Variants in SELENOF observed in about 807,000 individuals in gnomAD.
SELENOF encodes the protein selenoprotein F, also known as 15 kDa selenoprotein.
SELENOF carries 16 observed loss-of-function variants against 20.5 expected under a neutral mutation model. The ratio of observed to expected loss-of-function variants is 0.78; its 90% confidence interval spans 0.53 to 1.19. SELENOF has a LOEUF of 1.19. SELENOF is among the 50% of genes most tolerant of loss of function. SELENOF has a pLI of 0.00. For missense variants in SELENOF, 215 were observed against 194.2 expected, an observed-to-expected ratio of 1.11 and a Z score of -0.64; for synonymous variants, 78 against 74.5, an observed-to-expected ratio of 1.05 and a Z score of -0.24.
chr1:86,883,477 C>CTAAA (rs1262938963), intron 2 of SELENOF, among the ~76,000 whole-genome samples: 2 of 151,284 alleles, frequency 1.3e-5, no homozygotes, highest in Non-Finnish European at 2.9e-5. Context: ...TGTATGTACA[C>CTAAA]TAGTGTATAG....
At chr1:86,906,773 C>G (rs111775222) in intron 1 of SELENOF, among the ~76,000 whole-genome samples, 13 of 152,290 alleles carry the variant, frequency 8.5e-5, no homozygotes, top group African/African-American at 2.9e-4. Context: ...ATAGAACAGA[C>G]AAGCCATCCC....
chr1:86,887,084 T>C (rs1393206694), intron 2 of SELENOF: 1 of 1,435,208 alleles, frequency 7.0e-7, no homozygotes. Context: ...AGTGATCTAC[T>C]GGTGTTTTAA....
chr1:86,889,953 C>G (rs1297656462), intron 2 of SELENOF, among the ~76,000 whole-genome samples: 1 of 152,158 alleles, frequency 6.6e-6, no homozygotes, highest in African/African-American at 2.4e-5. Context: ...CATAAGTATT[C>G]CCCTCCGCCT....
rs150670612 is a variant in SELENOF, at chr1:86,898,546, A to C, written c.252+4735T>G. On this transcript the variant is annotated intron_variant, in intron 2 of 4. Transcript: ENST00000331835. ...TTTTTTTATTATGTACAAATAGCTA[A>C]AGCATTCTATATAAACTCTGACTTT... is the stretch of plus-strand genomic sequence containing the variant. Among the ~76,000 whole-genome samples the C allele has an allele frequency of 2.0e-3, 300 of 151,944 alleles. 2 individuals carry two copies. The highest frequency in any genetic ancestry group is 2.8e-3 in the Non-Finnish European group (189 of 67,950).
chr1:86,869,684 T>C (rs1308121554), intron 3 of SELENOF, among the ~76,000 whole-genome samples: 1 of 152,160 alleles, frequency 6.6e-6, no homozygotes, highest in Non-Finnish European at 1.5e-5. Context: ...AATTAAAAGG[T>C]GTGTAATACA....
intron 3 of SELENOF, among the ~76,000 whole-genome samples, chr1:86,871,795 T>C (rs373511679): frequency 6.8e-6 from 1 of 146,518 alleles, no homozygotes; most frequent in East Asian, 1.9e-4. Flanking sequence ...AAAAGATTGG[T>C]ATTTGAATAC....
chr1:86,892,659 A>G (rs1659419342), intron 2 of SELENOF, among the ~76,000 whole-genome samples: 1 of 152,226 alleles, frequency 6.6e-6, no homozygotes, highest in Non-Finnish European at 1.5e-5. Context: ...GCAAATTGAA[A>G]ACAACTAAAT....
chr1:86,900,095 C>A (rs1306130013), intron 2 of SELENOF, among the ~76,000 whole-genome samples: 1 of 151,366 alleles, frequency 6.6e-6, no homozygotes, highest in Non-Finnish European at 1.5e-5. Context: ...ACGCTCCTCA[C>A]TTTCCAGACT....
intron 3 of SELENOF, among the ~76,000 whole-genome samples, chr1:86,870,252 A>C (rs555111777): frequency 3.9e-5 from 6 of 152,230 alleles, no homozygotes; most frequent in Non-Finnish European, 8.8e-5. Flanking sequence ...ACGTCTTCAC[A>C]CATTTGACTC....
chr1:86,885,842 C>G (rs1250865790), intron 2 of SELENOF, among the ~76,000 whole-genome samples: 1 of 152,142 alleles, frequency 6.6e-6, no homozygotes, highest in Non-Finnish European at 1.5e-5. Flanking sequence ...ACTGTCTCAA[C>G]AAAAGGGTTA....
chr1:86,896,477 G>A (rs1166967543), intron 2 of SELENOF, among the ~76,000 whole-genome samples: 1 of 152,100 alleles, frequency 6.6e-6, no homozygotes, highest in African/African-American at 2.4e-5. Context: ...TAATCTTACA[G>A]ATCTTAGAAA....
chr1:86,906,665 T>G (rs1460673247), intron 1 of SELENOF, among the ~76,000 whole-genome samples: 1 of 152,178 alleles, frequency 6.6e-6, no homozygotes, highest in Non-Finnish European at 1.5e-5. Flanking sequence ...AGAGAGCAAC[T>G]GAAAACTCCA....
chr1:86,879,598 G>A (rs1024507100), intron 3 of SELENOF, among the ~76,000 whole-genome samples: 1 of 152,134 alleles, frequency 6.6e-6, no homozygotes, highest in Admixed American at 6.5e-5. Flanking sequence ...AATAAGGCAA[G>A]AAATCACGGG....
chr1:86,863,547 T>TAA lies in SELENOF; in HGVS notation c.424_425insTT (p.Glu142ValfsTer?). On this transcript the variant is annotated frameshift_variant, in exon 5 of 5. Coordinates refer to ENST00000331835, the MANE Select transcript of SELENOF (RefSeq NM_004261.5). LOFTEE classifies it high-confidence loss of function. ...GTTCCATTTGAGAATGCTCAGTTCT[T>TAA]CAGCAATGTTCCCATTGTCGTCCAA... 1 of 1,613,636 alleles carries TAA rather than the reference T, an allele frequency of 6.2e-7. No homozygotes were observed. The highest frequency in any genetic ancestry group is 8.5e-7 in the Non-Finnish European group (1 of 1,179,590).
rs540973147 is a variant in SELENOF at position 86,912,056 on chromosome 1, C to A, written c.84+1972G>T. Among the ~76,000 whole-genome samples, 38 of 152,272 alleles carry A rather than the reference C, an allele frequency of 2.5e-4. 1 individual carries two copies. In the South Asian group the frequency reaches 7.5e-3, roughly 30 times the overall value. ...CAAAGTGCACTGGAATGAGCCACCA[C>A]AACTGGCCAAAAATGACTAATTTTT... On this transcript the variant is annotated intron_variant, in intron 1 of 4. Transcript: ENST00000331835.
intron 2 of SELENOF, among the ~76,000 whole-genome samples, chr1:86,901,827 T>C (rs1456065343): frequency 1.3e-5 from 2 of 152,248 alleles, no homozygotes; most frequent in Non-Finnish European, 2.9e-5. Context: ...AGCTTTTACA[T>C]GCATTTGGTT....
chr1:86,902,924 C>G (rs936918834), intron 2 of SELENOF, among the ~76,000 whole-genome samples: 1 of 152,202 alleles, frequency 6.6e-6, no homozygotes, highest in African/African-American at 2.4e-5. Context: ...ACTTTCATTT[C>G]AAGTTTCATC....
chr1:86,873,526 C>T (rs1351919622), intron 3 of SELENOF, among the ~76,000 whole-genome samples: 1 of 151,956 alleles, frequency 6.6e-6, no homozygotes, highest in Admixed American at 6.6e-5. Flanking sequence ...GCTAGTGTGT[C>T]TAAGGAACTG....
At chr1:86,865,098 C>T (rs1658558512) in intron 4 of SELENOF, among the ~76,000 whole-genome samples, 1 of 151,894 alleles carries the variant, frequency 6.6e-6, no homozygotes, top group African/African-American at 2.4e-5. Context: ...AAAATATTAG[C>T]AGTCAAATCC....
Sources: gnomAD v4.1 joint callset for allele counts (sites outside exome capture counted in the v4.1 genomes callset) on GRCh38, gnomAD v4.1.1 for gene constraint, MANE v1.5 for transcripts, NCBI Gene and HGNC (gene_info 2026-07-23, HGNC 2026-07-21) for gene names.